Variants in IQCJ observed in about 807,000 individuals in gnomAD.
The protein encoded by IQCJ is IQ motif containing J, also known as IQ domain-containing protein J.
IQCJ carries 9 observed loss-of-function variants against 11.0 expected under a neutral mutation model. The ratio of observed to expected loss-of-function variants is 0.82; its 90% CI spans 0.49 to 1.43. The LOEUF is 1.43. IQCJ is among the 40% of genes most tolerant of loss of function. The pLI is 0.00. For missense variants in IQCJ, 146 were observed against 133.2 expected (o/e 1.10, Z -0.47); for synonymous variants, 55 against 51.3 (o/e 1.07, Z -0.31).
chr3:159,078,549 C>A (rs865990603), intron 1 of IQCJ, among the ~76,000 whole-genome samples: 1 of 150,728 alleles, frequency 6.6e-6, no homozygotes, highest in Non-Finnish European at 1.5e-5. Flanking sequence ...ACCCGCCCCC[C>A]GCCTTTTTTT....
At chr3:159,173,445 A>G (rs1471801613) in intron 1 of IQCJ, among the ~76,000 whole-genome samples, 1 of 152,108 alleles carries the variant, frequency 6.6e-6, no homozygotes, top group South Asian at 2.1e-4. Context: ...AACTTTACCA[A>G]TTTACTTGCT....
chr3:159,208,440 C>T (rs1306981502), intron 1 of IQCJ, among the ~76,000 whole-genome samples: 2 of 152,188 alleles, frequency 1.3e-5, no homozygotes, highest in African/African-American at 2.4e-5. Flanking sequence ...ATTTTTGGCT[C>T]CTACTGTTCT....
chr3:159,204,037 G>A (rs1724508384), intron 1 of IQCJ, among the ~76,000 whole-genome samples: 1 of 152,138 alleles, frequency 6.6e-6, no homozygotes, highest in African/African-American at 2.4e-5. Flanking sequence ...GCCCCAGTAG[G>A]CATAAGAAAT....
intron 1 of IQCJ, among the ~76,000 whole-genome samples, chr3:159,236,220 A>G (rs775264820): frequency 4.0e-5 from 6 of 151,182 alleles, no homozygotes; most frequent in Non-Finnish European, 5.9e-5. Context: ...TTTGCCAGCC[A>G]TAGAAAACAT....
At position 159,174,004 on chromosome 3, in the gene IQCJ, C is replaced by T. The variant is rs1243070366; in HGVS notation, c.10-71839C>T. Among the ~76,000 whole-genome samples the T allele has an allele frequency of 3.9e-5, 6 of 152,040 alleles. No homozygotes were observed. In the South Asian group the frequency reaches 1.0e-3, roughly 26 times the overall value. The stretch of plus-strand genomic sequence containing the variant: ...TTTCCTCCATTTATATTTCTTTACT[C>T]CATGATCTGAGAGTTTCTCAGTTGT... On this transcript the variant is annotated intron_variant, in intron 1 of 3. Coordinates refer to ENST00000397832, the MANE Select transcript of IQCJ (RefSeq NM_001042706.3).
At chr3:159,096,542 A>G (rs1271959529) in intron 1 of IQCJ, among the ~76,000 whole-genome samples, 10 of 61,722 alleles carry the variant, frequency 1.6e-4, no homozygotes, top group African/African-American at 7.1e-4. Context: ...TGATTTTTGT[A>G]TAAGGTGTAA....
chr3:159,091,333 G>C (rs1173897964), intron 1 of IQCJ, among the ~76,000 whole-genome samples: 1 of 151,660 alleles, frequency 6.6e-6, no homozygotes, highest in Non-Finnish European at 1.5e-5. Context: ...GTGCTGACAC[G>C]GTTGGGCTCT....
At chr3:159,181,086 C>T (rs1179438342) in intron 1 of IQCJ, among the ~76,000 whole-genome samples, 1 of 151,844 alleles carries the variant, frequency 6.6e-6, no homozygotes, top group Non-Finnish European at 1.5e-5. Context: ...CTTTCCTACC[C>T]ACTAAGATCT....
intron 1 of IQCJ, among the ~76,000 whole-genome samples, chr3:159,154,068 T>C (rs1208407945): frequency 6.6e-6 from 1 of 152,184 alleles, no homozygotes; most frequent in Non-Finnish European, 1.5e-5. Context: ...GCCCAACTAT[T>C]AAAAATCCTC....
At chr3:159,116,649 TATATATATATATATATATATAC>T (rs1465069737) in intron 1 of IQCJ, among the ~76,000 whole-genome samples, 599 of 37,818 alleles carry the variant, frequency 0.016, 23 homozygotes, top group African/African-American at 0.066. Flanking sequence ...TATATATATA[TATATATATATATATATATATAC>T]ACCCTTCATC....
intron 1 of IQCJ, among the ~76,000 whole-genome samples, chr3:159,224,642 A>G (rs1577092896): frequency 2.0e-5 from 3 of 152,212 alleles, no homozygotes; most frequent in South Asian, 4.1e-4. Context: ...TCCTGATGGA[A>G]GTATACACTA....
chr3:159,165,027 C>T (rs998604243), intron 1 of IQCJ, among the ~76,000 whole-genome samples: 1 of 152,038 alleles, frequency 6.6e-6, no homozygotes, highest in Non-Finnish European at 1.5e-5. Context: ...ATCTTATTCA[C>T]CAAAATTAGG....
chr3:159,264,532 T>C (rs1728394208), downstream of IQCJ, among the ~76,000 whole-genome samples: 2 of 152,158 alleles, frequency 1.3e-5, no homozygotes, highest in South Asian at 2.1e-4. Context: ...TGGGGGTGCA[T>C]CCTGTAGCCC....
intron 1 of IQCJ, among the ~76,000 whole-genome samples, chr3:159,167,451 C>T (rs1374597296): frequency 6.6e-6 from 1 of 152,106 alleles, no homozygotes; most frequent in Non-Finnish European, 1.5e-5. Flanking sequence ...TTAGTGCACC[C>T]TGCTAAATGA....
In IQCJ at chr3:159,262,636, C is replaced by T. The variant is rs1240970548; in HGVS notation, c.244C>T (p.Leu82=). The T allele has an allele frequency of 8.7e-6, 14 of 1,614,028 alleles. No homozygotes were observed. The highest frequency in any genetic ancestry group is 1.2e-5 in the Non-Finnish European group (14 of 1,179,882). The change falls in exon 4 of 4, where the codon CTG becomes TTG. Residue 82 remains leucine (L), a synonymous_variant. Transcript: ENST00000397832. The stretch of plus-strand genomic sequence containing the variant: ...CCCACCCTCTGTCTCCTCAGAGAAG[C>T]TGAGCAGCTCTGTCAGCATGAACAC... ...PSPPSVSSEK[L]SSSVSMNTFS...
intron 1 of IQCJ, among the ~76,000 whole-genome samples, chr3:159,124,328 C>T (rs935335331): frequency 3.3e-5 from 5 of 152,174 alleles, no homozygotes; most frequent in African/African-American, 1.2e-4. Context: ...GTCTTTCAAA[C>T]CAATGTTGAA....
rs147064479 is a variant in IQCJ at position 159,263,211 on chromosome 3, C to T, written c.*480C>T. 2.6e-3 allele frequency: 1,026 copies of T among 391,876 alleles called. 1 individual carries two copies. Among genetic ancestry groups the T allele is most frequent in the Non-Finnish European group, 3.3e-3 (958 of 287,474 alleles). The allele number at this position is 391,876 out of a possible 1,614,324, so 24.3% of individuals were successfully genotyped here. On this transcript the variant is annotated 3_prime_UTR_variant, in exon 4 of 4. Transcript: ENST00000397832. ...AACATAGACCTCACCTGAAGGGCAG[C>T]GCACTTGGCTCCTGACAATGTGACA...
chr3:159,243,344 A>G (rs1727048358), intron 1 of IQCJ, among the ~76,000 whole-genome samples: 1 of 152,194 alleles, frequency 6.6e-6, no homozygotes. Context: ...CTTTATTCAT[A>G]CTAGGCCATA....
At chr3:159,130,156 T>C (rs1719911323) in intron 1 of IQCJ, among the ~76,000 whole-genome samples, 2 of 152,202 alleles carry the variant, frequency 1.3e-5, no homozygotes, top group South Asian at 4.1e-4. Flanking sequence ...TCAAGAATGT[T>C]ATGTAAATAG....
Sources: allele counts gnomAD v4.1 joint callset (sites outside exome capture counted in the v4.1 genomes callset), GRCh38; gene constraint gnomAD v4.1.1; transcripts MANE v1.5; gene names NCBI Gene and HGNC (gene_info 2026-07-23, HGNC 2026-07-21).